Variants in SNX29 observed in about 807,000 individuals in gnomAD.
SNX29 encodes the protein sorting nexin 29.
A neutral mutation model predicts 102.1 loss-of-function variants in SNX29; 78 were observed. The observed-to-expected ratio is 0.76, with a 90% CI of 0.64 to 0.92. The LOEUF (loss-of-function observed/expected upper bound fraction) is 0.92, where lower values mean the gene tolerates loss of function less well. SNX29 is among the 40% of genes least tolerant of loss of function. SNX29 has a pLI of 0.00. For synonymous variants in SNX29, 580 were observed against 414.5 expected (o/e 1.40, Z -4.85); for missense variants, 1,280 against 1,061.7 (o/e 1.21, Z -2.86).
chr16:12,174,440 C>T (rs2076216279), intron 13 of SNX29, among the ~76,000 whole-genome samples: 1 of 152,118 alleles, frequency 6.6e-6, no homozygotes, highest in Non-Finnish European at 1.5e-5. Flanking sequence ...TGACCTCTGC[C>T]CAAAGGAAAG....
At position 12,096,606 on chromosome 16, in the gene SNX29, A is replaced by G. The variant is rs1016678385; in HGVS notation, c.1402+17691A>G. 2.0e-5 allele frequency among the ~76,000 whole-genome samples: 3 copies of G among 152,198 alleles called. No individual in the cohort carries two copies. The highest frequency in any genetic ancestry group is 4.4e-5 in the Non-Finnish European group (3 of 68,036). Reference sequence around the variant, plus strand: ...AGCATTCTAGTGGAGTTTTATGGTAATAAAGAAATGATGAATGATTGGATG... The same window carrying G: ...AGCATTCTAGTGGAGTTTTATGGTAGTAAAGAAATGATGAATGATTGGATG... On this transcript the variant is annotated intron_variant, in intron 11 of 20. Coordinates refer to ENST00000566228, the MANE Select transcript of SNX29 (RefSeq NM_032167.5). The surrounding 1 kb of genome is among the most constrained non-coding windows in gnomAD (Gnocchi z 4.2).
intron 4 of SNX29, among the ~76,000 whole-genome samples, chr16:12,041,041 T>A (rs964509958): frequency 2.0e-4 from 30 of 152,156 alleles, no homozygotes; most frequent in African/African-American, 6.5e-4. Context: ...TCTCTTGACC[T>A]CGTGATCTGC....
chr16:12,572,786 C>T lies in SNX29; in HGVS notation c.*4157C>T, dbSNP rs2079215696. 3 of 1,063,752 alleles carry T rather than the reference C, an allele frequency of 2.8e-6. No individual in the cohort carries two copies. Among genetic ancestry groups the T allele is most frequent in the Non-Finnish European group, 3.4e-6 (3 of 878,240 alleles). 65.9% of individuals were successfully genotyped at this position (1,063,752 alleles called of 1,614,324 possible). Reference sequence around the variant, plus strand: ...ACCCGAGGAAGACCCCACCTCACTCCTCCTTCCCCAGTACATCAGACTGGT... The same window carrying T: ...ACCCGAGGAAGACCCCACCTCACTCTTCCTTCCCCAGTACATCAGACTGGT... On this transcript the variant is annotated 3_prime_UTR_variant, in exon 21 of 21. Transcript: ENST00000566228.
intron 8 of SNX29, among the ~76,000 whole-genome samples, chr16:12,059,478 A>G (rs2050678988): frequency 1.3e-5 from 2 of 152,152 alleles, no homozygotes; most frequent in African/African-American, 2.4e-5. Flanking sequence ...TGAAAGCCTC[A>G]TTGTGGTATG....
intron 15 of SNX29, among the ~76,000 whole-genome samples, chr16:12,301,842 T>C (rs1363169154): frequency 1.3e-5 from 2 of 152,216 alleles, no homozygotes; most frequent in Non-Finnish European, 2.9e-5. Flanking sequence ...TTTTAATCCT[T>C]CTCAGAGTCG....
At chr16:12,540,218 C>G (rs112890184) in intron 20 of SNX29, among the ~76,000 whole-genome samples, 3 of 152,238 alleles carry the variant, frequency 2.0e-5, no homozygotes, top group South Asian at 4.1e-4. Flanking sequence ...CAAGGTTAAC[C>G]TACTTCCTGT....
intron 18 of SNX29, among the ~76,000 whole-genome samples, chr16:12,406,727 G>A (rs894605629): frequency 6.6e-6 from 1 of 152,188 alleles, no homozygotes; most frequent in African/African-American, 2.4e-5. Flanking sequence ...GGCCAACATG[G>A]TGAAACCCCA....
intron 18 of SNX29, among the ~76,000 whole-genome samples, chr16:12,406,065 A>T (rs1316014500): frequency 6.6e-6 from 1 of 152,136 alleles, no homozygotes; most frequent in Admixed American, 6.5e-5. Context: ...ATTTAATTCC[A>T]CAAAAGATTT....
chr16:12,036,888 TGAA>T (rs2057491966), intron 4 of SNX29, among the ~76,000 whole-genome samples: 4 of 152,192 alleles, frequency 2.6e-5, no homozygotes, highest in Non-Finnish European at 4.4e-5. Flanking sequence ...AAAAAAAAGA[TGAA>T]GGACATTTAT....
intron 13 of SNX29, among the ~76,000 whole-genome samples, chr16:12,179,793 G>T (rs2076341437): frequency 6.6e-6 from 1 of 152,148 alleles, no homozygotes; most frequent in African/African-American, 2.4e-5. Context: ...CAGTATTGTG[G>T]ATCCAAAAAT....
At chr16:12,327,085 G>A (rs1010441903) in intron 15 of SNX29, among the ~76,000 whole-genome samples, 1 of 152,126 alleles carries the variant, frequency 6.6e-6, no homozygotes, top group African/African-American at 2.4e-5. Flanking sequence ...ACCCCTCTTC[G>A]TGGGTCCCTT....
Position 12,572,782 on chromosome 16 carries a change from A to C in SNX29, c.*4153A>C, listed in dbSNP as rs1598144193. 1 of 1,062,976 alleles carries C rather than the reference A, an allele frequency of 9.4e-7. No homozygotes were observed. The highest frequency in any genetic ancestry group is 5.0e-5 in the East Asian group (1 of 19,820). 65.8% of individuals were successfully genotyped at this position (1,062,976 alleles called of 1,614,324 possible). Reference sequence around the variant, plus strand: ...TGGGACCCGAGGAAGACCCCACCTCACTCCTCCTTCCCCAGTACATCAGAC... The same window carrying C: ...TGGGACCCGAGGAAGACCCCACCTCCCTCCTCCTTCCCCAGTACATCAGAC... On this transcript the variant is annotated 3_prime_UTR_variant, in exon 21 of 21. Transcript: ENST00000566228.
chr16:12,454,839 C>G (rs1190648091), intron 18 of SNX29, among the ~76,000 whole-genome samples: 2 of 152,140 alleles, frequency 1.3e-5, no homozygotes, highest in East Asian at 3.9e-4. Context: ...GCCTCAGCCT[C>G]CCAGGTTCAG....
intron 13 of SNX29, among the ~76,000 whole-genome samples, chr16:12,168,485 G>A (rs2076067969): frequency 6.6e-6 from 1 of 152,276 alleles, no homozygotes; most frequent in African/African-American, 2.4e-5. Context: ...CCTATTCTAG[G>A]TTCCTCTGCT....
chr16:12,386,738 C>CT (rs1240964280), intron 16 of SNX29, among the ~76,000 whole-genome samples: 2 of 152,088 alleles, frequency 1.3e-5, no homozygotes. Flanking sequence ...GTGCCTATGC[C>CT]TGCTCACTGT....
intron 6 of SNX29, 76 bp from the exon 7 acceptor site, chr16:12,048,296 C>G: frequency 6.9e-6 from 11 of 1,601,346 alleles, no homozygotes; most frequent in Non-Finnish European, 9.4e-6. Flanking sequence ...ACTCTGTTGT[C>G]TGCAGCTGTC....
intron 18 of SNX29, among the ~76,000 whole-genome samples, chr16:12,459,922 C>A (rs553674244): frequency 4.6e-5 from 7 of 152,192 alleles, no homozygotes; most frequent in Admixed American, 3.9e-4. Flanking sequence ...GAAGGACCAG[C>A]GACACCATCG....
At chr16:12,552,650 C>T (rs1597961278) in intron 20 of SNX29, among the ~76,000 whole-genome samples, 1 of 152,160 alleles carries the variant, frequency 6.6e-6, no homozygotes, top group East Asian at 1.9e-4. Flanking sequence ...GGAAGGATTG[C>T]AATGGGAGAC....
At chr16:12,528,338 A>T (rs1447472772) in intron 20 of SNX29, among the ~76,000 whole-genome samples, 1 of 152,088 alleles carries the variant, frequency 6.6e-6, no homozygotes, top group East Asian at 1.9e-4. Context: ...CTGGGATTAC[A>T]GGCATGTGTC....
Sources: allele counts gnomAD v4.1 joint callset (sites outside exome capture counted in the v4.1 genomes callset), GRCh38; gene constraint gnomAD v4.1.1; non-coding constraint Gnocchi (gnomAD v3.1); transcripts MANE v1.5; gene names NCBI Gene and HGNC (gene_info 2026-07-23, HGNC 2026-07-21).